PRKG1: variants seen among roughly 807,000 people sequenced by gnomAD.
PRKG1 encodes the protein protein kinase cGMP-dependent 1.
PRKG1 carries 35 observed loss-of-function variants against 88.1 expected under a neutral mutation model. The observed-to-expected ratio is 0.40, with a 90% confidence interval of 0.30 to 0.53. PRKG1 has a LOEUF of 0.53. Among genes scored for constraint, PRKG1 ranks in the 20% least tolerant of loss-of-function variants. PRKG1 has a pLI of 0.59. For synonymous variants in PRKG1, 303 were observed against 292.5 expected (o/e 1.04, Z -0.37); for missense variants, 540 against 839.8 (o/e 0.64, Z 4.41).
intron 2 of PRKG1, among the ~76,000 whole-genome samples, chr10:51,246,619 A>AAAAAAAC (rs1156471237): frequency 6.6e-6 from 1 of 152,056 alleles, no homozygotes; most frequent in Non-Finnish European, 1.5e-5. Flanking sequence ...AAAAGAAAAA[A>AAAAAAAC]AAAAAACAAT....
intron 2 of PRKG1, among the ~76,000 whole-genome samples, chr10:51,264,173 A>G (rs1839783972): frequency 6.6e-6 from 1 of 152,236 alleles, no homozygotes; most frequent in Admixed American, 6.5e-5. Context: ...GATTGAAAAG[A>G]GTGAACAGTA....
At chr10:51,695,517 G>C (rs939980378) in intron 3 of PRKG1, 2 of 152,134 alleles carry the variant, frequency 1.3e-5, no homozygotes, top group African/African-American at 4.8e-5. Flanking sequence ...TTTTCTGCAT[G>C]AAACAATGCA....
chr10:51,436,812 A>G (rs889359238), intron 2 of PRKG1, among the ~76,000 whole-genome samples: 1 of 152,060 alleles, frequency 6.6e-6, no homozygotes, highest in Admixed American at 6.6e-5. Context: ...TTACTTCTGC[A>G]TAGACTATTC....
intron 2 of PRKG1, among the ~76,000 whole-genome samples, chr10:51,332,380 C>T (rs184718763): frequency 9.5e-4 from 144 of 151,930 alleles, no homozygotes; most frequent in African/African-American, 3.1e-3. Flanking sequence ...TCAATTGTGA[C>T]CAATTCAAAT....
chr10:52,124,958 T>A (rs2132618517), intron 7 of PRKG1, among the ~76,000 whole-genome samples: 1 of 152,244 alleles, frequency 6.6e-6, no homozygotes, highest in Admixed American at 6.5e-5. Context: ...GGAGCTGTTA[T>A]CTTCTATAAC....
At chr10:51,787,126 A>C (rs1417196562) in intron 3 of PRKG1, among the ~76,000 whole-genome samples, 1 of 152,192 alleles carries the variant, frequency 6.6e-6, no homozygotes, top group East Asian at 1.9e-4. Flanking sequence ...TAATCTTCAT[A>C]AAATAAGTTA....
At chr10:52,018,044 T>C (rs548169197) in intron 5 of PRKG1, among the ~76,000 whole-genome samples, 1 of 152,256 alleles carries the variant, frequency 6.6e-6, no homozygotes, top group African/African-American at 2.4e-5. Context: ...TACGCAGTAT[T>C]TTTTGGCCAT....
chr10:51,810,021 A>G (rs1839413232), intron 4 of PRKG1, among the ~76,000 whole-genome samples: 1 of 152,056 alleles, frequency 6.6e-6, no homozygotes, highest in Non-Finnish European at 1.5e-5. Context: ...GAATGGATGC[A>G]TTACCAGAGT....
At chr10:51,114,012 G>C (rs922882228) in intron 1 of PRKG1, among the ~76,000 whole-genome samples, 1 of 150,784 alleles carries the variant, frequency 6.6e-6, no homozygotes, top group Non-Finnish European at 1.5e-5. Context: ...AACTAAAACT[G>C]TGTTTCTTTC....
chr10:51,071,962 G>T (rs1843832231), upstream of PRKG1, among the ~76,000 whole-genome samples: 1 of 152,154 alleles, frequency 6.6e-6, no homozygotes, highest in Non-Finnish European at 1.5e-5. Context: ...ATTTTTGGAG[G>T]CCAAGGCGGG....
At chr10:50,993,665 A>C (rs372451127) in intron 1 of PRKG1, among the ~76,000 whole-genome samples, 1 of 152,190 alleles carries the variant, frequency 6.6e-6, no homozygotes, top group African/African-American at 2.4e-5. Context: ...TGTCTGGGCT[A>C]TGCCCCTCGA....
chr10:51,845,281 T>C (rs1469519133), intron 4 of PRKG1, among the ~76,000 whole-genome samples: 1 of 152,156 alleles, frequency 6.6e-6, no homozygotes, highest in African/African-American at 2.4e-5. Flanking sequence ...TCTTTCCAGA[T>C]GTTATCCTCC....
chr10:51,374,361 T>C (rs1389303468), intron 2 of PRKG1, among the ~76,000 whole-genome samples: 3 of 151,158 alleles, frequency 2.0e-5, no homozygotes, highest in Non-Finnish European at 4.4e-5. Context: ...CTCTGTTGTG[T>C]TGGTTTGCTG....
At chr10:51,366,444 G>A (rs575099516) in intron 2 of PRKG1, among the ~76,000 whole-genome samples, 85 of 151,884 alleles carry the variant, frequency 5.6e-4, no homozygotes, top group Non-Finnish European at 7.1e-4. Context: ...TAAAACTTTG[G>A]AAGCGTCTGA....
intron 5 of PRKG1, among the ~76,000 whole-genome samples, chr10:51,998,743 T>A (rs1330899784): frequency 6.6e-6 from 1 of 152,224 alleles, no homozygotes; most frequent in East Asian, 1.9e-4. Context: ...TATTTGCAAT[T>A]TTTGAAGATA....
chr10:51,789,824 TTCTC>T (rs1036879740), intron 3 of PRKG1, among the ~76,000 whole-genome samples: 2 of 152,038 alleles, frequency 1.3e-5, no homozygotes, highest in African/African-American at 2.4e-5. Flanking sequence ...ATATCAGTCA[TTCTC>T]TCTTTTTTTT....
rs144357463 is a variant in PRKG1, at chr10:51,982,794, CCAGCAGCAG to C, written c.763-71674_763-71666del. On this transcript the variant is annotated intron_variant, in intron 5 of 17. Coordinates refer to ENST00000373980, the MANE Select transcript of PRKG1 (RefSeq NM_006258.4). ...TGGGATCCATACTCATTTATACATT[CCAGCAGCAG>C]CAGCAGCAGCAGCAGTGTAGTGGGG... 3.3e-3 allele frequency among the ~76,000 whole-genome samples: 494 copies of C among 151,944 alleles called. 5 individuals carry two copies. Among genetic ancestry groups the C allele is most frequent in the African/African-American group, 0.011 (470 of 41,514 alleles).
At chr10:52,112,883 CTATCAT>C (rs1334540409) in intron 7 of PRKG1, among the ~76,000 whole-genome samples, 1 of 152,114 alleles carries the variant, frequency 6.6e-6, no homozygotes, top group African/African-American at 2.4e-5. Flanking sequence ...ACTAAAAAAT[CTATCAT>C]TATAGGATTG....
intron 3 of PRKG1, among the ~76,000 whole-genome samples, chr10:51,624,326 T>C (rs529901798): frequency 6.6e-6 from 1 of 152,344 alleles, no homozygotes; most frequent in Non-Finnish European, 1.5e-5. Context: ...CCCTGTTTTC[T>C]TGAGGAGTAA....
Sources: allele counts gnomAD v4.1 joint callset (sites outside exome capture counted in the v4.1 genomes callset), GRCh38; gene constraint gnomAD v4.1.1; transcripts MANE v1.5; gene names NCBI Gene and HGNC (gene_info 2026-07-23, HGNC 2026-07-21).